STAM: variants seen among roughly 807,000 people sequenced by gnomAD.
The protein encoded by STAM is signal transducing adaptor molecule.
STAM carries 16 observed loss-of-function variants against 63.4 expected under a neutral mutation model. The ratio of observed to expected loss-of-function variants is 0.25; its 90% CI spans 0.17 to 0.38. The LOEUF (loss-of-function observed/expected upper bound fraction) is 0.38, where lower values mean the gene tolerates loss of function less well. Among genes scored for constraint, STAM ranks in the 10% least tolerant of loss-of-function variants. The pLI, the probability that STAM is intolerant of heterozygous loss-of-function variation, is 1.00. For missense variants in STAM, 636 were observed against 657.1 expected, an observed-to-expected ratio of 0.97 and a Z score of 0.35; for synonymous variants, 238 against 223.9, an observed-to-expected ratio of 1.06 and a Z score of -0.56.
Position 17,704,982 on chromosome 10 carries a change from A to C in STAM, c.1013A>C (p.Gln338Pro). ...ELLHLEAMCH[Q>P]MGPLIDEKLE... The stretch of plus-strand genomic sequence containing the variant: ...CTTGTCATTTTAGCAATGTGTCACC[A>C]GATGGGACCTCTCATTGATGAAAAG... The change falls in exon 11 of 14, where the codon CAG becomes CCG. Residue 338 changes from glutamine to proline, a missense_variant. By Grantham distance (76) the Gln-to-Pro change is moderately conservative (BLOSUM62 -1). Around this residue, in one of 3 missense-constraint regions of STAM, gnomAD observed 532 missense variants for 536.9 expected, o/e 0.99. Coordinates refer to ENST00000377524, the MANE Select transcript of STAM (RefSeq NM_003473.4). The C allele has an allele frequency of 6.2e-7, 1 of 1,613,368 alleles. No homozygotes were observed. Among genetic ancestry groups the C allele is most frequent in the African/African-American group, 1.3e-5 (1 of 75,000 alleles).
chr10:17,686,089 AATG>A, intron 4 of STAM, among the ~76,000 whole-genome samples: 1 of 152,304 alleles, frequency 6.6e-6, no homozygotes, highest in Non-Finnish European at 1.5e-5. Flanking sequence ...ATCATGGTTA[AATG>A]ATAATTCTTT....
chr10:17,708,484 A>C (rs1181003310), intron 12 of STAM, among the ~76,000 whole-genome samples: 1 of 152,236 alleles, frequency 6.6e-6, no homozygotes, highest in Non-Finnish European at 1.5e-5. Context: ...AGAATATTAA[A>C]ATATATTTAA....
intron 2 of STAM, among the ~76,000 whole-genome samples, chr10:17,670,164 C>T (rs1554823916): frequency 6.6e-6 from 1 of 152,142 alleles, no homozygotes; most frequent in Non-Finnish European, 1.5e-5. Context: ...AAGTTGTTGA[C>T]TAGGCAATAG....
chr10:17,644,962 G>T (rs1554820649), intron 1 of STAM, among the ~76,000 whole-genome samples: 1 of 152,178 alleles, frequency 6.6e-6, no homozygotes, highest in Non-Finnish European at 1.5e-5. Context: ...CCTTTGGGAT[G>T]TCTCTCTTAG....
At chr10:17,687,747 G>A (rs1449080380) in intron 4 of STAM, among the ~76,000 whole-genome samples, 1 of 152,132 alleles carries the variant, frequency 6.6e-6, no homozygotes, top group Non-Finnish European at 1.5e-5. Context: ...TCTTACTGAT[G>A]TACAAACCTT....
intron 1 of STAM, among the ~76,000 whole-genome samples, chr10:17,656,857 C>A (rs11254705): frequency 0.12 from 17,531 of 152,120 alleles, 1,107 homozygotes; most frequent in Middle Eastern, 0.16. Flanking sequence ...AGGAAAGTGC[C>A]CTTGGAAGAA....
intron 1 of STAM, among the ~76,000 whole-genome samples, chr10:17,652,788 A>C (rs571450667): frequency 5.9e-5 from 9 of 152,228 alleles, no homozygotes; most frequent in Admixed American, 2.0e-4. Context: ...GTTCAGAATG[A>C]CTCACTCAAT....
At chr10:17,703,023 A>AAAAAAAG (rs1554828727) in intron 9 of STAM, among the ~76,000 whole-genome samples, 5 of 114,262 alleles carry the variant, frequency 4.4e-5, no homozygotes, top group African/African-American at 1.6e-4. Flanking sequence ...AAAAAAAAAA[A>AAAAAAAG]AAAAGAAAAG....
chr10:17,675,939 A>T (rs972652668), intron 2 of STAM, among the ~76,000 whole-genome samples: 4 of 152,146 alleles, frequency 2.6e-5, no homozygotes, highest in Non-Finnish European at 4.4e-5. Flanking sequence ...GTGGAATCAG[A>T]TTATCTGAGT....
At chr10:17,698,412 C>T (rs78192901) in intron 8 of STAM, among the ~76,000 whole-genome samples, 9,023 of 149,934 alleles carry the variant, frequency 0.06, 371 homozygotes, top group Middle Eastern at 0.12. Context: ...GATCCTGGAG[C>T]CATTTCATCT....
At chr10:17,703,217 T>C (rs1554828763) in intron 9 of STAM, among the ~76,000 whole-genome samples, 1 of 151,992 alleles carries the variant, frequency 6.6e-6, no homozygotes, top group African/African-American at 2.4e-5. Context: ...GTAGGCAAAC[T>C]TTCTTGACAT....
intron 13 of STAM, among the ~76,000 whole-genome samples, chr10:17,710,675 C>T (rs1282331239): frequency 6.6e-6 from 1 of 152,158 alleles, no homozygotes; most frequent in East Asian, 1.9e-4. Flanking sequence ...TGTATCCCCA[C>T]TGAAGACAGT....
At chr10:17,693,422 T>G (rs1328172739) in intron 6 of STAM, 110 bp downstream of exon 6, 9 of 816,318 alleles carry the variant, frequency 1.1e-5, no homozygotes, top group Non-Finnish European at 1.7e-5. Context: ...GAAATCTGCT[T>G]TGTTGCCCTC....
chr10:17,651,059 C>T (rs549828397), intron 1 of STAM, among the ~76,000 whole-genome samples: 3 of 105,178 alleles, frequency 2.9e-5, no homozygotes, highest in Non-Finnish European at 5.4e-5. Flanking sequence ...AGCGAGAGTC[C>T]GTCTCAAAAA....
chr10:17,661,831 C>T (rs1030920000), intron 2 of STAM, among the ~76,000 whole-genome samples: 1 of 152,140 alleles, frequency 6.6e-6, no homozygotes, highest in East Asian at 1.9e-4. Flanking sequence ...GTATACCCTC[C>T]ACTCTAGCTT....
intron 2 of STAM, among the ~76,000 whole-genome samples, chr10:17,679,418 CG>C (rs1554825028): frequency 2.6e-5 from 4 of 151,938 alleles, no homozygotes; most frequent in Non-Finnish European, 5.9e-5. Flanking sequence ...GGTTGTTGTT[CG>C]TTGTTGAGAT....
intron 2 of STAM, among the ~76,000 whole-genome samples, chr10:17,681,567 T>C (rs1835087450): frequency 6.6e-6 from 1 of 152,224 alleles, no homozygotes; most frequent in South Asian, 2.1e-4. Flanking sequence ...TCAAATAATT[T>C]ATAGATGTTG....
chr10:17,708,910 C>G lies in STAM; in HGVS notation c.1344C>G (p.Asn448Lys), dbSNP rs1836427446. ...LSQAVVPPSA[N>K]PALPSQQTQA... ...AGGCAGTGGTCCCACCATCCGCAAA[C>G]CCAGCCCTTCCTAGTCAGCAGACTC... Residue 448 changes from asparagine to lysine, a missense_variant, in exon 13 of 14, where the codon AAC becomes AAG. Coordinates refer to ENST00000377524, the MANE Select transcript of STAM (RefSeq NM_003473.4). 20 of 1,614,156 alleles carry G rather than the reference C, an allele frequency of 1.2e-5. No individual in the cohort carries two copies. The highest frequency in any genetic ancestry group is 1.7e-5 in the Non-Finnish European group (20 of 1,180,010).
chr10:17,685,989 T>C (rs1790185350), intron 4 of STAM, among the ~76,000 whole-genome samples: 2 of 152,186 alleles, frequency 1.3e-5, no homozygotes, highest in Admixed American at 6.5e-5. Flanking sequence ...ATGCCTCATG[T>C]TTTTGGGAAA....
Sources: gnomAD v4.1 joint callset for allele counts (sites outside exome capture counted in the v4.1 genomes callset) on GRCh38, gnomAD v4.1.1 for gene constraint, gnomAD v4.1.1 regional missense constraint, MANE v1.5 for transcripts, NCBI Gene and HGNC (gene_info 2026-07-23, HGNC 2026-07-21) for gene names.